The following TLN2 variants were observed in gnomAD, a reference collection of about 807,000 sequenced individuals.
TLN2 encodes talin-2.
In TLN2, 118 loss-of-function variants were observed where a neutral mutation model predicts 294.7. The observed-to-expected ratio is 0.40, with a 90% CI of 0.34 to 0.47. TLN2 has a LOEUF of 0.47. Ranked by LOEUF, TLN2 falls within the 20% of genes least tolerant of loss-of-function variation. The probability of loss-of-function intolerance (pLI) is 0.84; values close to 1 mark genes in which losing one functional copy is unlikely to be tolerated. For missense variants in TLN2, 3,083 were observed against 3,282.2 expected, an observed-to-expected ratio of 0.94 and a Z score of 1.48; for synonymous variants, 1,431 against 1,304.5, an observed-to-expected ratio of 1.10 and a Z score of -2.09.
At chr15:62,472,030 T>G (rs1158045628) in intron 1 of TLN2, among the ~76,000 whole-genome samples, 1 of 152,166 alleles carries the variant, frequency 6.6e-6, no homozygotes, top group Admixed American at 6.5e-5. Flanking sequence ...TATCTTACCT[T>G]GGGATAGGAG....
chr15:62,578,305 G>A (rs906311801), intron 1 of TLN2, among the ~76,000 whole-genome samples: 3 of 152,110 alleles, frequency 2.0e-5, no homozygotes, highest in African/African-American at 7.2e-5. Context: ...GGTGTCTCAC[G>A]CCTGTAATCT....
At chr15:62,472,770 T>G (rs1395384849) in intron 1 of TLN2, among the ~76,000 whole-genome samples, 2 of 152,184 alleles carry the variant, frequency 1.3e-5, no homozygotes. Context: ...CTATAGCCTT[T>G]ACCTATTTCT....
At chr15:62,438,893 A>G (rs1159755112) in intron 1 of TLN2, among the ~76,000 whole-genome samples, 1 of 152,050 alleles carries the variant, frequency 6.6e-6, no homozygotes, top group African/African-American at 2.4e-5. Flanking sequence ...CACATGCTGG[A>G]CTCGGATTAA....
chr15:62,554,919 T>C (rs2042523199), intron 1 of TLN2, among the ~76,000 whole-genome samples: 1 of 152,042 alleles, frequency 6.6e-6, no homozygotes, highest in South Asian at 2.1e-4. Context: ...GATGTAGATT[T>C]AGAAAATTCG....
intron 3 of TLN2, among the ~76,000 whole-genome samples, chr15:62,629,635 A>AG (rs1161304342): frequency 1.3e-5 from 2 of 152,192 alleles, no homozygotes; most frequent in African/African-American, 4.8e-5. Context: ...GAGCCCTTGG[A>AG]GGATAGCAGT....
intron 2 of TLN2, among the ~76,000 whole-genome samples, chr15:62,607,909 C>G (rs962849322): frequency 6.6e-6 from 1 of 152,172 alleles, no homozygotes; most frequent in East Asian, 1.9e-4. Flanking sequence ...TGACTGTGAA[C>G]AAGTGTTTCC....
At chr15:62,499,624 G>A (rs971756236) in intron 1 of TLN2, among the ~76,000 whole-genome samples, 1 of 152,036 alleles carries the variant, frequency 6.6e-6, no homozygotes, top group Non-Finnish European at 1.5e-5. Context: ...TTTTTGAGAC[G>A]GAGTTTTGCT....
intron 11 of TLN2, among the ~76,000 whole-genome samples, chr15:62,680,455 T>C (rs1438974598): frequency 6.6e-6 from 1 of 152,090 alleles, no homozygotes; most frequent in Non-Finnish European, 1.5e-5. Flanking sequence ...ATAAGACATA[T>C]GTCAACCATG....
At chr15:62,600,730 G>T (rs2046924596) in intron 2 of TLN2, among the ~76,000 whole-genome samples, 2 of 152,278 alleles carry the variant, frequency 1.3e-5, no homozygotes, top group South Asian at 4.1e-4. Context: ...TATTACCCAA[G>T]TCCAAAGATG....
chr15:62,696,382 T>C (rs941431937), intron 14 of TLN2, among the ~76,000 whole-genome samples: 3 of 152,236 alleles, frequency 2.0e-5, no homozygotes, highest in African/African-American at 7.2e-5. Context: ...TTTGCACTTA[T>C]TCTTCATTCT....
intron 29 of TLN2, among the ~76,000 whole-genome samples, 168 bp downstream of exon 29, chr15:62,737,254 G>A (rs1018585492): frequency 6.6e-6 from 1 of 152,176 alleles, no homozygotes; most frequent in Admixed American, 6.5e-5. Flanking sequence ...ACTCACTTTT[G>A]TAAGTCTTGC....
intron 1 of TLN2, among the ~76,000 whole-genome samples, chr15:62,494,485 C>T (rs1312492408): frequency 2.6e-5 from 4 of 151,796 alleles, no homozygotes; most frequent in Admixed American, 1.3e-4. Flanking sequence ...ACCTTTTTTC[C>T]CTTAAGAAGG....
chr15:62,429,048 C>T (rs377057107), intron 1 of TLN2, among the ~76,000 whole-genome samples: 230 of 144,042 alleles, frequency 1.6e-3, no homozygotes, highest in African/African-American at 4.0e-3. Context: ...GTCTGGAGAC[C>T]GGCCCTGGAG....
chr15:62,670,211 A>C (rs1228544387), intron 9 of TLN2, among the ~76,000 whole-genome samples: 1 of 152,148 alleles, frequency 6.6e-6, no homozygotes, highest in African/African-American at 2.4e-5. Context: ...TTGCTGATGG[A>C]GGAGCCAATG....
chr15:62,586,228 A>G (rs539342407), intron 1 of TLN2, among the ~76,000 whole-genome samples: 1 of 152,204 alleles, frequency 6.6e-6, no homozygotes, highest in Admixed American at 6.5e-5. Context: ...TGGGTGGCCC[A>G]TGTGTTGTGG....
intron 7 of TLN2, 66 bp downstream of exon 7, chr15:62,653,380 C>A (rs1176142806): frequency 1.4e-5 from 22 of 1,528,440 alleles, no homozygotes; most frequent in Non-Finnish European, 8.8e-7. Context: ...TTCCCTCCCA[C>A]CATCCATATG....
chr15:62,420,214 T>A (rs992680402), intron 1 of TLN2, among the ~76,000 whole-genome samples: 1 of 152,248 alleles, frequency 6.6e-6, no homozygotes. Flanking sequence ...AATGGAATTG[T>A]ATTTAAAATT....
chr15:62,448,611 C>T (rs1210419926), intron 1 of TLN2, among the ~76,000 whole-genome samples: 6 of 152,130 alleles, frequency 3.9e-5, no homozygotes, highest in Non-Finnish European at 1.5e-5. Context: ...AAGACATTGA[C>T]GTTGTAATCC....
intron 51 of TLN2, among the ~76,000 whole-genome samples, chr15:62,806,103 G>A (rs1298947011): frequency 2.0e-5 from 3 of 152,132 alleles, no homozygotes; most frequent in Non-Finnish European, 4.4e-5. Context: ...AGCTATGGCA[G>A]GAGGATCACT....
Sources: gnomAD v4.1 joint callset for allele counts (sites outside exome capture counted in the v4.1 genomes callset) on GRCh38, gnomAD v4.1.1 for gene constraint, MANE v1.5 for transcripts, NCBI Gene and HGNC (gene_info 2026-07-23, HGNC 2026-07-21) for gene names.